The following DCC variants were observed in gnomAD, a reference collection of about 807,000 sequenced individuals.
DCC encodes netrin receptor DCC.
In DCC, 58 loss-of-function variants were observed where a neutral mutation model predicts 172.5. The observed-to-expected ratio is 0.34, with a 90% CI of 0.27 to 0.42. DCC has a LOEUF of 0.42. DCC is among the 10% of genes least tolerant of loss of function. The probability of loss-of-function intolerance (pLI) is 1.00; values close to 1 mark genes in which losing one functional copy is unlikely to be tolerated. For synonymous variants in DCC, 709 were observed against 644.5 expected, an observed-to-expected ratio of 1.10 and a Z score of -1.52; for missense variants, 1,740 against 1,791.0, an observed-to-expected ratio of 0.97 and a Z score of 0.51.
chr18:53,118,039 T>C (rs2043431829), intron 7 of DCC, among the ~76,000 whole-genome samples: 1 of 151,800 alleles, frequency 6.6e-6, no homozygotes, highest in South Asian at 2.1e-4. Flanking sequence ...TCATCTGACG[T>C]CATCATAAAC....
intron 2 of DCC, among the ~76,000 whole-genome samples, chr18:52,795,915 T>G (rs188743093): frequency 2.5e-4 from 38 of 151,218 alleles, no homozygotes; most frequent in African/African-American, 6.5e-4. Flanking sequence ...TTCTATTAAA[T>G]ATTGTTCAAT....
At chr18:53,351,863 C>T (rs2144906333) in intron 15 of DCC, among the ~76,000 whole-genome samples, 1 of 152,004 alleles carries the variant, frequency 6.6e-6, no homozygotes, top group East Asian at 1.9e-4. Flanking sequence ...CTTCATCCCC[C>T]TCACTATGTC....
At chr18:53,489,996 TTTC>T (rs1381048235) in intron 26 of DCC, among the ~76,000 whole-genome samples, 3 of 152,162 alleles carry the variant, frequency 2.0e-5, no homozygotes, top group Non-Finnish European at 4.4e-5. Context: ...GTGCCCCCAC[TTTC>T]TTGTCTTTGA....
chr18:53,345,869 G>A (rs2057718297), intron 15 of DCC, among the ~76,000 whole-genome samples: 1 of 151,660 alleles, frequency 6.6e-6, no homozygotes, highest in Non-Finnish European at 1.5e-5. Flanking sequence ...GCAATTTAAT[G>A]TAATTATACA....
intron 12 of DCC, 84 bp from the exon 13 acceptor site, chr18:53,305,494 C>A: frequency 8.8e-7 from 1 of 1,138,924 alleles, no homozygotes; most frequent in East Asian, 2.3e-5. Flanking sequence ...GCTTTCTTCA[C>A]ACTTACGTTT....
At chr18:52,449,714 ATT>A (rs1221174896) in intron 1 of DCC, among the ~76,000 whole-genome samples, 1 of 152,144 alleles carries the variant, frequency 6.6e-6, no homozygotes, top group Non-Finnish European at 1.5e-5. Flanking sequence ...AGCCTCCATA[ATT>A]CCCATGTGTC....
chr18:53,371,288 C>T (rs2058058233), intron 15 of DCC, among the ~76,000 whole-genome samples: 1 of 151,924 alleles, frequency 6.6e-6, no homozygotes, highest in African/African-American at 2.4e-5. Context: ...TGGGAGTAAA[C>T]AGCAGAGACA....
chr18:53,172,031 T>G (rs904224358), intron 8 of DCC, among the ~76,000 whole-genome samples: 1 of 152,142 alleles, frequency 6.6e-6, no homozygotes, highest in African/African-American at 2.4e-5. Flanking sequence ...TCCTATTAAC[T>G]GGTATATATC....
intron 2 of DCC, among the ~76,000 whole-genome samples, chr18:52,853,079 T>A (rs1448084655): frequency 1.3e-5 from 2 of 152,294 alleles, no homozygotes; most frequent in Non-Finnish European, 2.9e-5. Flanking sequence ...TATTAATTGT[T>A]CAATTCCACT....
chr18:52,984,014 T>G (rs1268042751), intron 5 of DCC, among the ~76,000 whole-genome samples: 1 of 152,114 alleles, frequency 6.6e-6, no homozygotes, highest in Non-Finnish European at 1.5e-5. Context: ...TGTTGAAATA[T>G]TTTCACACTA....
At chr18:52,581,182 A>ATGTCT (rs1568239278) in intron 1 of DCC, among the ~76,000 whole-genome samples, 2 of 3,190 alleles carry the variant, frequency 6.3e-4, no homozygotes, top group East Asian at 0.021. Flanking sequence ...TTCTATCTAT[A>ATGTCT]TATCTTATCT....
At chr18:53,507,889 C>G (rs189582315) in intron 27 of DCC, among the ~76,000 whole-genome samples, 30 of 148,208 alleles carry the variant, frequency 2.0e-4, no homozygotes, top group African/African-American at 7.7e-4. Context: ...CTAACAGATA[C>G]CACTTTTTTT....
At chr18:53,404,666 G>A (rs906043588) in intron 19 of DCC, among the ~76,000 whole-genome samples, 8 of 151,946 alleles carry the variant, frequency 5.3e-5, no homozygotes, top group African/African-American at 1.9e-4. Flanking sequence ...ACGAGGCGGA[G>A]CTTGCAGTGA....
chr18:52,466,980 G>C (rs1988802649), intron 1 of DCC, among the ~76,000 whole-genome samples: 2 of 152,024 alleles, frequency 1.3e-5, no homozygotes, highest in South Asian at 4.2e-4. Context: ...TAGGTAGCCT[G>C]AGTTTGAGCC....
intron 7 of DCC, among the ~76,000 whole-genome samples, chr18:53,073,531 AATAATG>A (rs778976639): frequency 3.9e-5 from 6 of 152,274 alleles, no homozygotes; most frequent in Non-Finnish European, 7.4e-5. Flanking sequence ...GTCTCAAAAT[AATAATG>A]ATAATAATAA....
intron 14 of DCC, among the ~76,000 whole-genome samples, chr18:53,336,112 T>A (rs1423401021): frequency 1.3e-5 from 2 of 152,178 alleles, no homozygotes; most frequent in Non-Finnish European, 2.9e-5. Flanking sequence ...ATGTGCTCTT[T>A]GGTTTCAAAT....
At chr18:52,671,336 A>G (rs1291240060) in intron 1 of DCC, among the ~76,000 whole-genome samples, 1 of 152,138 alleles carries the variant, frequency 6.6e-6, no homozygotes, top group Non-Finnish European at 1.5e-5. Flanking sequence ...ATTTGGCATT[A>G]GCACACTTCT....
At chr18:52,387,750 G>T (rs927292242) in intron 1 of DCC, among the ~76,000 whole-genome samples, 10 of 152,074 alleles carry the variant, frequency 6.6e-5, no homozygotes, top group Non-Finnish European at 1.5e-4. Context: ...GAGGCCTATT[G>T]CAATGCTCTC....
intron 5 of DCC, among the ~76,000 whole-genome samples, chr18:53,021,779 TAAG>T (rs957163121): frequency 1.3e-5 from 2 of 152,218 alleles, no homozygotes; most frequent in Admixed American, 6.5e-5. Context: ...GCTGGCCTAA[TAAG>T]AAAAATAACT....
Sources: allele counts gnomAD v4.1 joint callset (sites outside exome capture counted in the v4.1 genomes callset), GRCh38; gene constraint gnomAD v4.1.1; transcripts MANE v1.5; gene names NCBI Gene and HGNC (gene_info 2026-07-23, HGNC 2026-07-21).